The following ADGRB1 variants were observed in gnomAD, a reference collection of about 807,000 sequenced individuals.
ADGRB1 encodes brain-specific angiogenesis inhibitor 1.
Under a neutral mutation model 175.7 loss-of-function variants are expected in ADGRB1, and 36 were observed. The observed-to-expected ratio is 0.20, with a 90% CI of 0.16 to 0.27. ADGRB1 has a LOEUF of 0.27. Ranked by LOEUF, ADGRB1 falls within the 10% of genes least tolerant of loss-of-function variation. The pLI is 1.00. For missense variants in ADGRB1, 1,731 were observed against 2,255.3 expected (o/e 0.77, Z 4.71); for synonymous variants, 1,054 against 979.4 (o/e 1.08, Z -1.42).
chr8:142,504,502 G>A lies in ADGRB1; in HGVS notation c.2676-6430G>A, dbSNP rs1208504596. Among the ~76,000 whole-genome samples, 1 of 152,178 alleles carries A rather than the reference G, an allele frequency of 6.6e-6. No individual in the cohort carries two copies. Among genetic ancestry groups the A allele is most frequent in the Non-Finnish European group, 1.5e-5 (1 of 68,012 alleles). On this transcript the variant is annotated intron_variant, in intron 17 of 30. Coordinates refer to ENST00000517894, the MANE Select transcript of ADGRB1 (RefSeq NM_001702.3). The surrounding 1 kb of genome is among the most constrained non-coding windows in gnomAD (Gnocchi z 5.6). ...GCGGGGGGCTCTGGCTGCTGGGTGAGGCAGAACACAGGGAGGGGAGCCCAG... is the reference window on the plus strand; with the variant it reads ...GCGGGGGGCTCTGGCTGCTGGGTGAAGCAGAACACAGGGAGGGGAGCCCAG...
In ADGRB1 at chr8:142,524,251, C is replaced by G; in HGVS notation, c.3259C>G (p.Leu1087Val). The G allele has an allele frequency of 6.2e-7, 1 of 1,600,404 alleles. No homozygotes were observed. Among genetic ancestry groups the G allele is most frequent in the East Asian group, 2.2e-5 (1 of 44,818 alleles). The change falls in exon 23 of 31, where the codon CTG (leucine) becomes GTG (valine). Residue 1087 changes from leucine (L) to valine (V), a missense_variant. Physicochemically the swap from Leu to Val is conservative, Grantham distance 32 (BLOSUM62 1). Coordinates refer to ENST00000517894, the MANE Select transcript of ADGRB1 (RefSeq NM_001702.3). ...TCTCCTCCCCAGCTGCTGGCTCTCC[C>G]TGGAGGGGGGACTGCTCTATGCCTT... ...YSTMNYCWLS[L>V]EGGLLYAFVG...
At chr8:142,530,312 C>G (rs531185260) in intron 24 of ADGRB1, among the ~76,000 whole-genome samples, 1 of 152,086 alleles carries the variant, frequency 6.6e-6, no homozygotes, top group African/African-American at 2.4e-5. Flanking sequence ...GGTTCAGGGT[C>G]AGGGGCTGAT....
Position 142,478,278 on chromosome 8 carries a change from A to C in ADGRB1, c.1479A>C (p.Glu493Asp), listed in dbSNP as rs745681945. The C allele has an allele frequency of 7.4e-6, 12 of 1,610,746 alleles. No homozygotes were observed. The highest frequency in any genetic ancestry group is 5.9e-6 in the Non-Finnish European group (7 of 1,179,104). ...CSQGRQQRTR[E>D]CNGPSYGGAE... is the part of the protein sequence containing the mutation. ...AGGGCCGACAGCAGCGCACGCGTGA[A>C]TGCAACGGGCCTTCCTACGGGGGTG... The change falls in exon 7 of 31, where the codon GAA becomes GAC. Residue 493 changes from glutamate (E) to aspartate (D), a missense_variant. Physicochemically the swap from Glu to Asp is conservative, Grantham distance 45. Transcript: ENST00000517894.
In ADGRB1 at chr8:142,533,313, C is replaced by T. The variant is rs374064443; in HGVS notation, c.3417C>T (p.Ser1139=). 8 of 1,555,764 alleles carry T rather than the reference C, an allele frequency of 5.1e-6. No homozygotes were observed. In the African/African-American group the frequency reaches 1.1e-4, roughly 21 times the overall value. Residue 1139 remains serine, a synonymous_variant, in exon 25 of 31, where the codon TCC becomes TCT. Transcript: ENST00000517894. ...TCCCCAGGGCCTCCCTGTGGAGCTC[C>T]TGCGTGGTGCTGCCGCTGCTGGCGC... ...KERAGASLWS[S]CVVLPLLALT...
At chr8:142,529,686 G>A (rs552700078) in intron 24 of ADGRB1, among the ~76,000 whole-genome samples, 11 of 123,834 alleles carry the variant, frequency 8.9e-5, no homozygotes, top group South Asian at 6.6e-4. Flanking sequence ...ACCTGTGAGC[G>A]TGCATCGGTG....
intron 18 of ADGRB1, 88 bp from the exon 19 acceptor site, chr8:142,518,050 C>T (rs1433752930): frequency 7.9e-7 from 1 of 1,272,058 alleles, no homozygotes; most frequent in East Asian, 2.4e-5. Flanking sequence ...TGACCCGGGG[C>T]TGCGGGCTCT....
At chr8:142,506,564 C>T (rs1842862897) in intron 17 of ADGRB1, among the ~76,000 whole-genome samples, 1 of 152,190 alleles carries the variant, frequency 6.6e-6, no homozygotes, top group Non-Finnish European at 1.5e-5. Flanking sequence ...AAATGGTCTC[C>T]CACGTGCGGG....
Position 142,516,150 on chromosome 8 carries a change from C to T in ADGRB1, c.2818-1988C>T, listed in dbSNP as rs572700992. Among the ~76,000 whole-genome samples the T allele has an allele frequency of 1.6e-3, 239 of 151,802 alleles. 1 individual carries two copies. The highest frequency in any genetic ancestry group is 5.3e-3 in the African/African-American group (219 of 41,374). On this transcript the variant is annotated intron_variant, in intron 18 of 30. Coordinates refer to ENST00000517894, the MANE Select transcript of ADGRB1 (RefSeq NM_001702.3). The stretch of plus-strand genomic sequence containing the variant: ...GGGGCGTCAGTCGTGTGTGCGGGCC[C>T]CAGGTGTGCGTGTGTGGGAGCCCCA...
At position 142,542,002 on chromosome 8, in the gene ADGRB1, G is replaced by C; in HGVS notation, c.3768G>C (p.Pro1256=). The change falls in exon 28 of 31, where the codon CCG becomes CCC. Residue 1256 remains proline, a synonymous_variant. Coordinates refer to ENST00000517894, the MANE Select transcript of ADGRB1 (RefSeq NM_001702.3). This position sits in a 1 kb window ranked among gnomAD's most constrained non-coding sequence, Gnocchi z 6.3. ...TATITGTLKR[P]SLPEEEKLKL... The stretch of plus-strand genomic sequence containing the variant: ...CCATCACGGGCACACTGAAGCGGCC[G>C]TCTCTGCCCGAGGAGGAGAAGCTGA... 1 of 1,596,110 alleles carries C rather than the reference G, an allele frequency of 6.3e-7. No individual in the cohort carries two copies. The highest frequency in any genetic ancestry group is 8.5e-7 in the Non-Finnish European group (1 of 1,172,970).
intron 2 of ADGRB1, among the ~76,000 whole-genome samples, chr8:142,467,139 T>C (rs62511453): frequency 0.45 from 68,813 of 152,132 alleles, 19,121 homozygotes; most frequent in Non-Finnish European, 0.62. Flanking sequence ...GCTTCACTCC[T>C]CACTGGGCAC....
At chr8:142,483,467 G>A (rs2131841661) in intron 11 of ADGRB1, among the ~76,000 whole-genome samples, 1 of 149,294 alleles carries the variant, frequency 6.7e-6, no homozygotes, top group South Asian at 2.1e-4. Context: ...GTCACACACT[G>A]AGCCTCAATC....
chr8:142,452,277 C>A (rs1049794392), intron 1 of ADGRB1, among the ~76,000 whole-genome samples: 4 of 152,202 alleles, frequency 2.6e-5, no homozygotes, highest in Admixed American at 1.3e-4. Context: ...GCCAGAGAGG[C>A]GCGCGGCTCC....
intron 25 of ADGRB1, among the ~76,000 whole-genome samples, chr8:142,535,213 G>A (rs550755955): frequency 4.1e-4 from 62 of 152,334 alleles, no homozygotes; most frequent in African/African-American, 1.4e-3. Flanking sequence ...GACGGGAGCT[G>A]CAAAGGAGAC....
At chr8:142,478,491 A>T in intron 7 of ADGRB1, 131 bp downstream of exon 7, 32 of 950,144 alleles carry the variant, frequency 3.4e-5, no homozygotes, top group East Asian at 1.2e-4. Flanking sequence ...TGGGGTGCAC[A>T]GTGGGGTCTG....
In ADGRB1 at chr8:142,542,784, T is replaced by C. The variant is rs1845360244; in HGVS notation, c.4413+137T>C. On this transcript the variant is annotated intron_variant, in intron 28 of 30. Transcript: ENST00000517894. The surrounding 1 kb of genome is among the most constrained non-coding windows in gnomAD (Gnocchi z 6.3). ...GCCTCCTAGCTACACCCCCCACCCC[T>C]GGCCCTGCTGGGTGTGCTGTGTATG... 1 of 780,598 alleles carries C rather than the reference T, an allele frequency of 1.3e-6. No homozygotes were observed. Among genetic ancestry groups the C allele is most frequent in the African/African-American group, 1.9e-5 (1 of 51,928 alleles). 48.4% of individuals were successfully genotyped at this position (780,598 alleles called of 1,614,324 possible).
intron 1 of ADGRB1, among the ~76,000 whole-genome samples, chr8:142,457,544 CA>C (rs1417547345): frequency 6.6e-6 from 1 of 151,904 alleles, no homozygotes; most frequent in African/African-American, 2.4e-5. Flanking sequence ...GGCGCACCCC[CA>C]GGGGGTCCGA....
At chr8:142,499,604 C>T (rs1285744804) in intron 17 of ADGRB1, among the ~76,000 whole-genome samples, 5 of 150,304 alleles carry the variant, frequency 3.3e-5, no homozygotes, top group Admixed American at 1.3e-4. Context: ...GCGGTGGGAG[C>T]GCTGCCTGCG....
chr8:142,478,385 C>T (rs780059705), intron 7 of ADGRB1, 25 bp downstream of exon 7: 13 of 1,564,584 alleles, frequency 8.3e-6, no homozygotes, highest in East Asian at 2.3e-5. Flanking sequence ...AGGCTGGGGT[C>T]GGGGGGCACC....
intron 5 of ADGRB1, 27 bp downstream of exon 5, chr8:142,477,305 C>A: frequency 6.3e-7 from 1 of 1,587,518 alleles, no homozygotes. Flanking sequence ...GCTGGGGCAG[C>A]GGACAGCCAG....
Sources: gnomAD v4.1 joint callset for allele counts (sites outside exome capture counted in the v4.1 genomes callset) on GRCh38, gnomAD v4.1.1 for gene constraint, Gnocchi (gnomAD v3.1) non-coding constraint, MANE v1.5 for transcripts, NCBI Gene and HGNC (gene_info 2026-07-23, HGNC 2026-07-21) for gene names.